The following KATNA1 variants were observed in gnomAD, a reference collection of about 807,000 sequenced individuals.
KATNA1 encodes the protein katanin p60 ATPase-containing subunit A1.
A neutral mutation model predicts 62.6 loss-of-function variants in KATNA1; 42 were observed. The ratio of observed to expected loss-of-function variants is 0.67; its 90% CI spans 0.52 to 0.87. The LOEUF is 0.87. Ranked by LOEUF, KATNA1 falls within the 40% of genes least tolerant of loss-of-function variation. The probability of loss-of-function intolerance (pLI) is 0.00; values close to 1 mark genes in which losing one functional copy is unlikely to be tolerated. For missense variants in KATNA1, 498 were observed against 612.5 expected, an observed-to-expected ratio of 0.81 and a Z score of 1.97; for synonymous variants, 186 against 201.9, an observed-to-expected ratio of 0.92 and a Z score of 0.67.
In KATNA1 at chr6:149,632,808, G is replaced by C. The variant is rs150555137; in HGVS notation, c.271C>G (p.Pro91Ala). ...TPLKAAQHDL[P>A]ASEGEVWSMP... ...GACCAGACTTCTCCCTCAGAAGCTGGAAGGTCATGCTGTGCCGCTTTCAAG... is the reference window on the plus strand; with the variant it reads ...GACCAGACTTCTCCCTCAGAAGCTGCAAGGTCATGCTGTGCCGCTTTCAAG... Residue 91 changes from proline to alanine, a missense_variant, in exon 3 of 11, where the codon CCA becomes GCA. By Grantham distance (27) the Pro-to-Ala change is conservative. Transcript: ENST00000367411. The C allele has an allele frequency of 2.5e-6, 4 of 1,613,752 alleles. No individual in the cohort carries two copies. Among genetic ancestry groups the C allele is most frequent in the Middle Eastern group, 1.7e-4 (1 of 6,058 alleles).
chr6:149,632,741 T>C lies in KATNA1; in HGVS notation c.320+18A>G. 1 of 1,592,842 alleles carries C rather than the reference T, an allele frequency of 6.3e-7. No homozygotes were observed. Among genetic ancestry groups the C allele is most frequent in the South Asian group, 1.1e-5 (1 of 87,148 alleles). Reference sequence around the variant, plus strand: ...AAGCTTCTTGGGATAACTGGTTTCTTAAAAGGTTTCCACTTACCTTCGTTC... The same window carrying C: ...AAGCTTCTTGGGATAACTGGTTTCTCAAAAGGTTTCCACTTACCTTCGTTC... On this transcript the variant is annotated intron_variant, in intron 3 of 10. Coordinates refer to ENST00000367411, the MANE Select transcript of KATNA1 (RefSeq NM_007044.4).
At chr6:149,643,004 C>T (rs1780348578) in intron 1 of KATNA1, among the ~76,000 whole-genome samples, 1 of 152,230 alleles carries the variant, frequency 6.6e-6, no homozygotes, top group Admixed American at 6.5e-5. Flanking sequence ...TAACAAATAA[C>T]ATAATACCAT....
intron 10 of KATNA1, among the ~76,000 whole-genome samples, chr6:149,596,117 C>T (rs1778301357): frequency 6.6e-6 from 1 of 152,204 alleles, no homozygotes; most frequent in Non-Finnish European, 1.5e-5. Context: ...TTTATCCTAA[C>T]ATTAGCTTCT....
intron 3 of KATNA1, among the ~76,000 whole-genome samples, chr6:149,632,493 A>C (rs1313392258): frequency 6.6e-6 from 1 of 152,150 alleles, no homozygotes; most frequent in Non-Finnish European, 1.5e-5. Context: ...TCCTAACCCC[A>C]TTCTCCTTCC....
At chr6:149,617,763 C>T (rs1354765064) in intron 4 of KATNA1, among the ~76,000 whole-genome samples, 10 of 151,932 alleles carry the variant, frequency 6.6e-5, no homozygotes, top group Non-Finnish European at 1.2e-4. Flanking sequence ...GGTGAAACCC[C>T]GTCTCTACTA....
intron 7 of KATNA1, among the ~76,000 whole-genome samples, chr6:149,598,644 C>T (rs1428255861): frequency 1.3e-5 from 2 of 151,920 alleles, no homozygotes; most frequent in Non-Finnish European, 2.9e-5. Flanking sequence ...TCCCTTGAGC[C>T]CAGGAGTTCA....
chr6:149,623,719 C>A (rs556994902), intron 3 of KATNA1, among the ~76,000 whole-genome samples: 8 of 151,992 alleles, frequency 5.3e-5, no homozygotes, highest in Non-Finnish European at 1.0e-4. Context: ...TCCTGGGCAA[C>A]AGAACGAGAC....
intron 3 of KATNA1, among the ~76,000 whole-genome samples, chr6:149,632,010 A>G (rs1359963765): frequency 2.0e-5 from 3 of 152,148 alleles, no homozygotes; most frequent in Non-Finnish European, 4.4e-5. Flanking sequence ...AAAATTTTCC[A>G]TTTTTCATTA....
At chr6:149,605,836 T>C (rs1315554488) in intron 4 of KATNA1, among the ~76,000 whole-genome samples, 4 of 152,146 alleles carry the variant, frequency 2.6e-5, no homozygotes. Flanking sequence ...TAGTGTGATC[T>C]TGGCTCATTG....
intron 3 of KATNA1, among the ~76,000 whole-genome samples, chr6:149,626,822 A>G (rs1338173277): frequency 1.3e-5 from 2 of 150,536 alleles, no homozygotes; most frequent in Admixed American, 6.6e-5. Context: ...CGTCTCTACT[A>G]AAAATACAAA....
Position 149,603,286 on chromosome 6 carries a change from GC to G in KATNA1, c.710del (p.Gly237AlafsTer10), listed in dbSNP as rs1196453381. 3.2e-6 allele frequency: 5 copies of G among 1,549,132 alleles called. No individual in the cohort carries two copies. In the South Asian group the frequency reaches 5.7e-5, roughly 18 times the overall value. ...AACTTACTTTCCATGGTCTCCTAAT[GC>G]CCTTAAAGAATTCGGGCATCCACAT... The part of the protein sequence containing the change: ...LPMWMPEFFK[G>X]IRRPWKGVLM... On this transcript the variant is annotated frameshift_variant, in exon 6 of 11. Coordinates refer to ENST00000367411, the MANE Select transcript of KATNA1 (RefSeq NM_007044.4). LOFTEE classifies it high-confidence loss of function.
intron 3 of KATNA1, among the ~76,000 whole-genome samples, chr6:149,630,785 AT>A (rs1779799301): frequency 6.6e-6 from 1 of 152,140 alleles, no homozygotes; most frequent in African/African-American, 2.4e-5. Flanking sequence ...TCTACCTGCT[AT>A]CTACCATATC....
chr6:149,645,877 T>G (rs868322625), intron 1 of KATNA1, among the ~76,000 whole-genome samples: 1 of 151,314 alleles, frequency 6.6e-6, no homozygotes, highest in Non-Finnish European at 1.5e-5. Flanking sequence ...CAGAGAAAGT[T>G]TTTTTTTTTC....
intron 4 of KATNA1, among the ~76,000 whole-genome samples, chr6:149,607,979 T>C (rs778695968): frequency 6.6e-6 from 1 of 152,100 alleles, no homozygotes; most frequent in African/African-American, 2.4e-5. Flanking sequence ...GGCAGGAGAA[T>C]CGCTTGAACC....
At chr6:149,628,911 C>T (rs1051352083) in intron 3 of KATNA1, among the ~76,000 whole-genome samples, 5 of 151,750 alleles carry the variant, frequency 3.3e-5, no homozygotes, top group Non-Finnish European at 7.4e-5. Flanking sequence ...TAAAAGATGC[C>T]CAGTTAAGAG....
At chr6:149,639,055 T>C (rs1421504612) in intron 1 of KATNA1, among the ~76,000 whole-genome samples, 2 of 151,934 alleles carry the variant, frequency 1.3e-5, no homozygotes, top group East Asian at 3.9e-4. Context: ...AAATATTTTA[T>C]TTAGGAGGCT....
intron 7 of KATNA1, among the ~76,000 whole-genome samples, chr6:149,600,194 TAAAAAA>T (rs67468519): frequency 1.5e-4 from 10 of 67,994 alleles, no homozygotes; most frequent in African/African-American, 5.5e-4. Context: ...GAGCTTATCT[TAAAAAA>T]AAAAAAAAAA....
At chr6:149,596,153 G>A (rs1005584638) in intron 10 of KATNA1, among the ~76,000 whole-genome samples, 1 of 152,180 alleles carries the variant, frequency 6.6e-6, no homozygotes, top group East Asian at 1.9e-4. Context: ...CAAATGAACT[G>A]TAGACTCTTC....
chr6:149,636,415 T>C (rs1780065880), intron 2 of KATNA1, among the ~76,000 whole-genome samples: 1 of 151,580 alleles, frequency 6.6e-6, no homozygotes, highest in South Asian at 2.1e-4. Context: ...CTGTAAAAAA[T>C]AAATAAATAA....
Sources: gnomAD v4.1 joint callset for allele counts (sites outside exome capture counted in the v4.1 genomes callset) on GRCh38, gnomAD v4.1.1 for gene constraint, MANE v1.5 for transcripts, NCBI Gene and HGNC (gene_info 2026-07-23, HGNC 2026-07-21) for gene names.